Variants in GNAQ observed in about 807,000 individuals in gnomAD.
GNAQ encodes the protein G protein subunit alpha q, also known as guanine nucleotide-binding protein G(q) subunit alpha.
A neutral mutation model predicts 43.9 loss-of-function variants in GNAQ; 8 were observed. The ratio of observed to expected loss-of-function variants is 0.18; its 90% CI spans 0.11 to 0.33. The LOEUF (loss-of-function observed/expected upper bound fraction) is 0.33, where lower values mean the gene tolerates loss of function less well. Among genes scored for constraint, GNAQ ranks in the 10% least tolerant of loss-of-function variants. The probability of loss-of-function intolerance (pLI) is 1.00; values close to 1 mark genes in which losing one functional copy is unlikely to be tolerated. For missense variants in GNAQ, 158 were observed against 450.8 expected (o/e 0.35, Z 5.88); for synonymous variants, 155 against 170.7 (o/e 0.91, Z 0.71).
chr9:77,839,152 A>T (rs1827442851), intron 2 of GNAQ, among the ~76,000 whole-genome samples: 1 of 152,146 alleles, frequency 6.6e-6, no homozygotes, highest in Non-Finnish European at 1.5e-5. Flanking sequence ...CGTGGTGAAC[A>T]GCAATATGTT....
At chr9:78,021,264 A>C (rs1269027608) in intron 1 of GNAQ, among the ~76,000 whole-genome samples, 1 of 151,774 alleles carries the variant, frequency 6.6e-6, no homozygotes, top group Non-Finnish European at 1.5e-5. Flanking sequence ...GGGCTCAAGC[A>C]ATCTGCCTGC....
rs771823242 is a variant in GNAQ, at chr9:77,928,640, T to C, written c.137-6295A>G. On this transcript the variant is annotated intron_variant, in intron 1 of 6. Transcript: ENST00000286548. Reference sequence around the variant, plus strand: ...GAGCATTTTCTTGGAGTGCCCGTAGTAAACATTTGTGTATTAAAAACTAAC... The same window carrying C: ...GAGCATTTTCTTGGAGTGCCCGTAGCAAACATTTGTGTATTAAAAACTAAC... Among the ~76,000 whole-genome samples the C allele has an allele frequency of 7.5e-4, 114 of 152,328 alleles. 1 individual carries two copies. The highest frequency in any genetic ancestry group is 1.5e-3 in the Non-Finnish European group (103 of 68,044).
chr9:77,822,961 C>A (rs916774829), intron 2 of GNAQ, among the ~76,000 whole-genome samples: 7 of 150,222 alleles, frequency 4.7e-5, no homozygotes, highest in African/African-American at 1.7e-4. Context: ...GAGAAGGAGT[C>A]TTGGTCTGTC....
chr9:77,996,721 A>C (rs919424687), intron 1 of GNAQ, among the ~76,000 whole-genome samples: 1 of 152,004 alleles, frequency 6.6e-6, no homozygotes, highest in Non-Finnish European at 1.5e-5. Context: ...AGAAAAACAA[A>C]TGCAATAGTC....
chr9:77,861,390 A>G (rs1827848356), intron 2 of GNAQ, among the ~76,000 whole-genome samples: 1 of 152,188 alleles, frequency 6.6e-6, no homozygotes, highest in Non-Finnish European at 1.5e-5. Context: ...CTCATATTTC[A>G]AAACCAATCA....
chr9:77,923,578 C>T (rs1829028152), intron 1 of GNAQ, among the ~76,000 whole-genome samples: 2 of 152,100 alleles, frequency 1.3e-5, no homozygotes, highest in African/African-American at 4.8e-5. Flanking sequence ...TTTCTCAGGG[C>T]CTGTTTCTCA....
At chr9:77,878,079 C>T (rs1564138583) in intron 2 of GNAQ, among the ~76,000 whole-genome samples, 1 of 152,132 alleles carries the variant, frequency 6.6e-6, no homozygotes, top group East Asian at 1.9e-4. Context: ...TGGCAACTGG[C>T]AGAGTTTTTA....
intron 1 of GNAQ, among the ~76,000 whole-genome samples, chr9:77,940,814 A>G (rs1159780323): frequency 6.6e-6 from 1 of 151,910 alleles, no homozygotes; most frequent in African/African-American, 2.4e-5. Context: ...AAAAATACAA[A>G]AAATTAGCCG....
intron 2 of GNAQ, among the ~76,000 whole-genome samples, chr9:77,886,109 TG>T (rs1160454813): frequency 6.6e-6 from 1 of 152,098 alleles, no homozygotes; most frequent in Non-Finnish European, 1.5e-5. Flanking sequence ...CCTGAGTAGC[TG>T]GAATTACAGG....
At chr9:77,827,847 C>T (rs1286050710) in intron 2 of GNAQ, among the ~76,000 whole-genome samples, 1 of 151,584 alleles carries the variant, frequency 6.6e-6, no homozygotes, top group African/African-American at 2.4e-5. Flanking sequence ...GGAAGAAATT[C>T]ATCTCTTTTA....
chr9:77,828,249 T>C (rs1172192897), intron 2 of GNAQ, among the ~76,000 whole-genome samples: 3 of 152,046 alleles, frequency 2.0e-5, no homozygotes, highest in Non-Finnish European at 2.9e-5. Context: ...AGATTTAAGA[T>C]AGATGAATTA....
intron 2 of GNAQ, among the ~76,000 whole-genome samples, chr9:77,839,655 C>T (rs777855549): frequency 1.3e-5 from 2 of 152,174 alleles, no homozygotes; most frequent in East Asian, 1.9e-4. Context: ...ATAACTTGAA[C>T]GAGGCTCCAA....
At chr9:77,809,264 G>A (rs115898131) in intron 3 of GNAQ, among the ~76,000 whole-genome samples, 1 of 152,290 alleles carries the variant, frequency 6.6e-6, no homozygotes, top group African/African-American at 2.4e-5. Context: ...AGGGGAATTC[G>A]GTGAAGTAAG....
At chr9:77,855,652 ATCAC>A (rs1827742337) in intron 2 of GNAQ, among the ~76,000 whole-genome samples, 1 of 152,164 alleles carries the variant, frequency 6.6e-6, no homozygotes, top group Non-Finnish European at 1.5e-5. Flanking sequence ...AACAAATGCC[ATCAC>A]TCATGTTAAT....
At chr9:77,953,498 A>C (rs1231143645) in intron 1 of GNAQ, among the ~76,000 whole-genome samples, 1 of 152,174 alleles carries the variant, frequency 6.6e-6, no homozygotes, top group East Asian at 1.9e-4. Flanking sequence ...GACCTTTCCC[A>C]GAACAAAATC....
At chr9:77,776,567 A>G (rs1349415089) in intron 5 of GNAQ, among the ~76,000 whole-genome samples, 1 of 152,250 alleles carries the variant, frequency 6.6e-6, no homozygotes, top group East Asian at 1.9e-4. Flanking sequence ...TGTGCACTGA[A>G]CAATAGAGCC....
chr9:77,736,189 G>A (rs377701525), intron 5 of GNAQ, among the ~76,000 whole-genome samples: 2 of 152,166 alleles, frequency 1.3e-5, no homozygotes, highest in African/African-American at 2.4e-5. Flanking sequence ...TTTTCCTTAC[G>A]TAGAGAATGT....
chr9:77,732,157 CA>C (rs1825500521), intron 5 of GNAQ, among the ~76,000 whole-genome samples: 1 of 152,162 alleles, frequency 6.6e-6, no homozygotes. Context: ...GACTTTGTGG[CA>C]CCTGCTTTGC....
chr9:77,824,987 T>A (rs980144041), intron 2 of GNAQ, among the ~76,000 whole-genome samples: 2 of 152,192 alleles, frequency 1.3e-5, no homozygotes, highest in South Asian at 4.1e-4. Flanking sequence ...CTGCTGCACA[T>A]GCTAAAATGT....
Sources: allele counts gnomAD v4.1 joint callset (sites outside exome capture counted in the v4.1 genomes callset), GRCh38; gene constraint gnomAD v4.1.1; transcripts MANE v1.5; gene names NCBI Gene and HGNC (gene_info 2026-07-23, HGNC 2026-07-21).